SLC39A8: variants seen among roughly 807,000 people sequenced by gnomAD.
SLC39A8 encodes solute carrier family 39 member 8.
In SLC39A8, 15 loss-of-function variants were observed where a neutral mutation model predicts 40.4. That is an observed-to-expected ratio of 0.37 (90% confidence interval 0.25 to 0.57). SLC39A8 has a LOEUF of 0.57. SLC39A8 is among the 20% of genes least tolerant of loss of function. The probability of loss-of-function intolerance (pLI) is 0.75; values close to 1 mark genes in which losing one functional copy is unlikely to be tolerated. For synonymous variants in SLC39A8, 223 were observed against 221.6 expected (o/e 1.01, Z -0.06); for missense variants, 472 against 558.8 (o/e 0.84, Z 1.57).
chr4:102,322,565 T>G (rs1187095791), intron 2 of SLC39A8, among the ~76,000 whole-genome samples: 3 of 152,204 alleles, frequency 2.0e-5, no homozygotes, highest in Non-Finnish European at 4.4e-5. Flanking sequence ...CTGTTTTGTC[T>G]GCTTGGTTGT....
chr4:102,303,092 C>CT (rs1169350690), intron 6 of SLC39A8, among the ~76,000 whole-genome samples: 1 of 151,434 alleles, frequency 6.6e-6, no homozygotes, highest in Non-Finnish European at 1.5e-5. Flanking sequence ...ATTTTTTTTG[C>CT]TTTTTTTCCC....
At chr4:102,338,622 C>A (rs1035084915) in intron 2 of SLC39A8, among the ~76,000 whole-genome samples, 1 of 152,196 alleles carries the variant, frequency 6.6e-6, no homozygotes, top group Non-Finnish European at 1.5e-5. Context: ...CTAGTAACTT[C>A]TCCCTGTAGT....
chr4:102,342,935 C>G (rs1736007818), intron 2 of SLC39A8, among the ~76,000 whole-genome samples: 1 of 152,174 alleles, frequency 6.6e-6, no homozygotes, highest in Non-Finnish European at 1.5e-5. Context: ...AAACTTCTTT[C>G]CAAGCACGTG....
chr4:102,327,821 T>C (rs1735284722), intron 2 of SLC39A8, among the ~76,000 whole-genome samples: 1 of 152,252 alleles, frequency 6.6e-6, no homozygotes. Context: ...TGTTTGAATA[T>C]AATTCTGAGA....
chr4:102,253,159 C>G (rs1236255485), exon 12 of SLC39A8: 10 of 345,622 alleles, frequency 2.9e-5, no homozygotes, highest in Middle Eastern at 5.4e-4. Context: ...TGTCGTTTTT[C>G]GGGGCGAGCG....
At chr4:102,302,147 C>T (rs979723536) in intron 6 of SLC39A8, among the ~76,000 whole-genome samples, 14 of 152,028 alleles carry the variant, frequency 9.2e-5, no homozygotes, top group African/African-American at 3.1e-4. Context: ...AGGTTCAAAG[C>T]TCCTTCTCTG....
intron 3 of SLC39A8, 39 bp from the exon 4 acceptor site, chr4:102,307,644 A>C: frequency 6.3e-7 from 1 of 1,579,658 alleles, no homozygotes; most frequent in Non-Finnish European, 8.6e-7. Context: ...AATTAATCAG[A>C]GCAAGGAACC....
chr4:102,251,942 C>T (rs1731601675), exon 12 of SLC39A8: 1 of 152,252 alleles, frequency 6.6e-6, no homozygotes, highest in African/African-American at 2.4e-5. Context: ...TTCAAATAGT[C>T]AATATGCCAG....
chr4:102,328,274 A>G (rs1735303103), intron 2 of SLC39A8, among the ~76,000 whole-genome samples: 2 of 151,378 alleles, frequency 1.3e-5, no homozygotes, highest in South Asian at 4.2e-4. Context: ...AAATTATTCT[A>G]TACAAGGTCA....
chr4:102,306,027 T>C (rs553802284), intron 4 of SLC39A8, among the ~76,000 whole-genome samples: 13 of 152,034 alleles, frequency 8.6e-5, no homozygotes, highest in Non-Finnish European at 5.9e-5. Context: ...AAAATGGCTA[T>C]ATAAATATAA....
At chr4:102,328,852 C>T (rs1356686677) in intron 2 of SLC39A8, among the ~76,000 whole-genome samples, 2 of 152,030 alleles carry the variant, frequency 1.3e-5, no homozygotes, top group Non-Finnish European at 2.9e-5. Context: ...GGTGAAACCC[C>T]GTCTCTACTA....
At chr4:102,290,823 C>T (rs557644469) in intron 6 of SLC39A8, among the ~76,000 whole-genome samples, 15 of 152,154 alleles carry the variant, frequency 9.9e-5, no homozygotes, top group Admixed American at 2.0e-4. Flanking sequence ...ATTACTACTT[C>T]CCACCTGCCT....
downstream of SLC39A8, among the ~76,000 whole-genome samples, chr4:102,258,587 C>T (rs2148999365): frequency 6.6e-6 from 1 of 152,270 alleles, no homozygotes; most frequent in South Asian, 2.1e-4. Flanking sequence ...TCTTTTATTT[C>T]CTTACTCCCC....
rs951920834 is a variant in SLC39A8 at position 102,344,901 on chromosome 4, G to T, written c.-239C>A. ...GAGCGATAGGCGGAGTGGGCCCCCCGGCCTCCTGGAGAGCCTGAGATAAAG... is the reference window on the plus strand; with the variant it reads ...GAGCGATAGGCGGAGTGGGCCCCCCTGCCTCCTGGAGAGCCTGAGATAAAG... On this transcript the variant is annotated 5_prime_UTR_variant, in exon 2 of 9. Transcript: ENST00000356736. The T allele has an allele frequency of 3.1e-6, 4 of 1,297,584 alleles. No individual in the cohort carries two copies. In the African/African-American group the frequency reaches 6.2e-5, roughly 20 times the overall value. 80.4% of individuals were successfully genotyped at this position (1,297,584 alleles called of 1,614,324 possible).
Position 102,344,490 on chromosome 4 carries a change from G to A in SLC39A8, c.173C>T (p.Ala58Val). The change falls in exon 2 of 9, where the codon GCC becomes GTC. Residue 58 changes from alanine to valine, a missense_variant. Transcript: ENST00000356736. ...AGGCTCCGGGACGCCCACGCGGGAG[G>A]CGGCTCCCATCTGCTCCAGCAAGTG... ...LQHLLEQMGA[A>V]SRVGVPEPGQ... is the part of the protein sequence containing the mutation. The A allele has an allele frequency of 6.4e-7, 1 of 1,553,310 alleles. No homozygotes were observed. Among genetic ancestry groups the A allele is most frequent in the Non-Finnish European group, 8.7e-7 (1 of 1,149,568 alleles).
At chr4:102,344,188 A>G (rs1258256788) in intron 2 of SLC39A8, among the ~76,000 whole-genome samples, 1 of 152,146 alleles carries the variant, frequency 6.6e-6, no homozygotes, top group Non-Finnish European at 1.5e-5. Flanking sequence ...AAATGTTAAA[A>G]TCACCAGAGT....
intron 6 of SLC39A8, 142 bp from the exon 7 acceptor site, chr4:102,268,221 A>G: frequency 1.3e-6 from 1 of 767,818 alleles, no homozygotes; most frequent in Non-Finnish European, 2.1e-6. Flanking sequence ...CCCTAATAAT[A>G]TATAACAGAG....
At chr4:102,304,238 G>A (rs1003367465) in intron 6 of SLC39A8, 79 bp downstream of exon 6, 1 of 1,105,414 alleles carries the variant, frequency 9.0e-7, no homozygotes, top group Non-Finnish European at 1.3e-6. Context: ...TACAAAAACT[G>A]ACTTAGCTGC....
At chr4:102,322,379 G>T (rs1305056871) in intron 2 of SLC39A8, among the ~76,000 whole-genome samples, 1 of 152,076 alleles carries the variant, frequency 6.6e-6, no homozygotes, top group African/African-American at 2.4e-5. Context: ...AATTAAAGTT[G>T]ATTTTTTTTC....
Sources: allele counts gnomAD v4.1 joint callset (sites outside exome capture counted in the v4.1 genomes callset), GRCh38; gene constraint gnomAD v4.1.1; transcripts MANE v1.5; gene names NCBI Gene and HGNC (gene_info 2026-07-23, HGNC 2026-07-21).